Variants in MMP20 observed in about 807,000 individuals in gnomAD.
The protein encoded by MMP20 is matrix metallopeptidase 20.
In MMP20, 50 loss-of-function variants were observed where a neutral mutation model predicts 51.8. That is an observed-to-expected ratio of 0.97 (90% CI 0.77 to 1.22). MMP20 has a LOEUF of 1.22. Ranked by LOEUF, MMP20 falls within the 50% of genes most tolerant of loss-of-function variation. The probability of loss-of-function intolerance (pLI) is 0.00; values close to 1 mark genes in which losing one functional copy is unlikely to be tolerated. For synonymous variants in MMP20, 244 were observed against 216.2 expected, an observed-to-expected ratio of 1.13 and a Z score of -1.13; for missense variants, 663 against 601.4, an observed-to-expected ratio of 1.10 and a Z score of -1.07.
intron 8 of MMP20, among the ~76,000 whole-genome samples, chr11:102,581,474 G>A (rs1859195445): frequency 6.6e-6 from 1 of 152,208 alleles, no homozygotes; most frequent in African/African-American, 2.4e-5. Flanking sequence ...TTAAGATGAA[G>A]TAGGTCTGCT....
chr11:102,613,469 G>C (rs1178797291), intron 2 of MMP20, among the ~76,000 whole-genome samples: 1 of 152,184 alleles, frequency 6.6e-6, no homozygotes, highest in Non-Finnish European at 1.5e-5. Flanking sequence ...ATTAAAGCTA[G>C]CTGTTTTAGG....
chr11:102,576,894 C>A lies in MMP20; in HGVS notation c.*432G>T, dbSNP rs374164504. 1 of 171,004 alleles carries A rather than the reference C, an allele frequency of 5.8e-6. No individual in the cohort carries two copies. The highest frequency in any genetic ancestry group is 1.6e-4 in the East Asian group (1 of 6,220). 10.6% of individuals were successfully genotyped at this position (171,004 alleles called of 1,614,324 possible). A position where few individuals can be genotyped will look rare whatever the true frequency, so the allele number is the denominator to read the frequency against. Reference sequence around the variant, plus strand: ...TTATATTTATTATAACAAATGATGGCCAAATGATGGCCACAAAAGCCATTG... The same window carrying A: ...TTATATTTATTATAACAAATGATGGACAAATGATGGCCACAAAAGCCATTG... On this transcript the variant is annotated 3_prime_UTR_variant, in exon 10 of 10. Coordinates refer to ENST00000260228, the MANE Select transcript of MMP20 (RefSeq NM_004771.4).
chr11:102,597,548 G>A (rs556613565), intron 6 of MMP20, among the ~76,000 whole-genome samples: 2 of 152,270 alleles, frequency 1.3e-5, no homozygotes, highest in South Asian at 2.1e-4. Context: ...GATGAGCAGT[G>A]CTATTGGAGT....
chr11:102,597,869 G>A (rs1859401204), intron 6 of MMP20, among the ~76,000 whole-genome samples: 1 of 152,210 alleles, frequency 6.6e-6, no homozygotes, highest in Admixed American at 6.5e-5. Flanking sequence ...CTGGGTTCAA[G>A]CAATTCTCCT....
chr11:102,590,818 C>T (rs1859308464), intron 8 of MMP20, among the ~76,000 whole-genome samples: 1 of 152,100 alleles, frequency 6.6e-6, no homozygotes, highest in South Asian at 2.1e-4. Flanking sequence ...CTTCTCAGTT[C>T]CATCCTTCTA....
At chr11:102,594,339 T>C (rs1859353831) in intron 7 of MMP20, among the ~76,000 whole-genome samples, 1 of 152,234 alleles carries the variant, frequency 6.6e-6, no homozygotes, top group African/African-American at 2.4e-5. Context: ...GCAGAGGTCC[T>C]GTGTGGCAGG....
intron 1 of MMP20, among the ~76,000 whole-genome samples, chr11:102,619,670 C>G (rs1248468640): frequency 6.6e-6 from 1 of 151,992 alleles, no homozygotes; most frequent in South Asian, 2.1e-4. Flanking sequence ...TAATCCTGGC[C>G]CTGAATCATA....
At chr11:102,610,685 GA>G (rs1433326663) in intron 3 of MMP20, among the ~76,000 whole-genome samples, 2 of 151,690 alleles carry the variant, frequency 1.3e-5, no homozygotes, top group Non-Finnish European at 2.9e-5. Flanking sequence ...AATAGAAGAG[GA>G]GGAGGAAGAA....
In MMP20 at chr11:102,616,669, G is replaced by A. The variant is rs962196845; in HGVS notation, c.374+143C>T. ...AATTGCCCATTGTCATTGCCTGACG[G>A]ATGGATGTAAAAAGTTCTTATTCTT... is the stretch of plus-strand genomic sequence containing the variant. On this transcript the variant is annotated intron_variant, in intron 2 of 9. Coordinates refer to ENST00000260228, the MANE Select transcript of MMP20 (RefSeq NM_004771.4). The A allele has an allele frequency of 1.7e-5, 18 of 1,068,376 alleles. No homozygotes were observed. In the African/African-American group the frequency reaches 2.6e-4, roughly 15 times the overall value. The allele number at this position is 1,068,376 out of a possible 1,614,324, so 66.2% of individuals were successfully genotyped here.
intron 5 of MMP20, among the ~76,000 whole-genome samples, chr11:102,608,671 A>C (rs1176003063): frequency 1.4e-5 from 2 of 138,990 alleles, no homozygotes; most frequent in Non-Finnish European, 3.2e-5. Flanking sequence ...TCTAACCTGC[A>C]CTCAAAGGAA....
At chr11:102,617,086 T>C (rs780048990) in intron 1 of MMP20, 27 bp from the exon 2 acceptor site, 1 of 1,614,066 alleles carries the variant, frequency 6.2e-7, no homozygotes, top group South Asian at 1.1e-5. Flanking sequence ...GGCTGACGCG[T>C]CTACAGCGTA....
intron 8 of MMP20, among the ~76,000 whole-genome samples, chr11:102,585,968 T>C (rs1591609376): frequency 6.6e-6 from 1 of 152,238 alleles, no homozygotes. Context: ...TCTTGGTGTA[T>C]AATTCTTTTC....
intron 2 of MMP20, among the ~76,000 whole-genome samples, chr11:102,612,125 A>C (rs1302678533): frequency 1.3e-5 from 2 of 152,220 alleles, no homozygotes; most frequent in African/African-American, 4.8e-5. Flanking sequence ...TCCGGTACTG[A>C]AACCATTTAG....
intron 6 of MMP20, among the ~76,000 whole-genome samples, chr11:102,598,853 C>T (rs966011581): frequency 4.6e-5 from 7 of 152,290 alleles, no homozygotes; most frequent in Middle Eastern, 3.4e-3. Context: ...CTTTCATTTT[C>T]AGGAGATGCC....
At chr11:102,617,995 C>G (rs867652465) in intron 1 of MMP20, among the ~76,000 whole-genome samples, 1 of 152,168 alleles carries the variant, frequency 6.6e-6, no homozygotes, top group Non-Finnish European at 1.5e-5. Flanking sequence ...CACAGATGCT[C>G]AAGTCTCTGA....
In MMP20 at chr11:102,606,614, T is replaced by C; in HGVS notation, c.874A>G (p.Ile292Val). The change falls in exon 6 of 10, where the codon ATC becomes GTC. Residue 292 changes from isoleucine to valine, a missense_variant. Ile to Val is a conservative substitution (Grantham distance 29). Coordinates refer to ENST00000260228, the MANE Select transcript of MMP20 (RefSeq NM_004771.4). Reference protein sequence around the residue: ...LPHAPHHKPSIPDLCDSSSSF... With the variant: ...LPHAPHHKPSVPDLCDSSSSF... ...GAGCTGGAGTCACAGAGGTCAGGGATGGATGGCTTGTGATGGGGGGCATGG... is the reference window on the plus strand; with the variant it reads ...GAGCTGGAGTCACAGAGGTCAGGGACGGATGGCTTGTGATGGGGGGCATGG... 6.2e-7 allele frequency: 1 copy of C among 1,613,976 alleles called. No individual in the cohort carries two copies.
At chr11:102,618,402 C>A (rs370384428) in intron 1 of MMP20, among the ~76,000 whole-genome samples, 1 of 151,466 alleles carries the variant, frequency 6.6e-6, no homozygotes, top group Admixed American at 6.6e-5. Context: ...AAATTGTTTA[C>A]TTACATATTA....
At chr11:102,614,189 A>C (rs572135054) in intron 2 of MMP20, among the ~76,000 whole-genome samples, 1 of 152,336 alleles carries the variant, frequency 6.6e-6, no homozygotes, top group East Asian at 1.9e-4. Context: ...GTTTGAGCCC[A>C]GTTCTGTCTG....
chr11:102,621,580 C>T (rs754481756), intron 1 of MMP20, among the ~76,000 whole-genome samples: 20 of 152,150 alleles, frequency 1.3e-4, no homozygotes, highest in Non-Finnish European at 2.2e-4. Context: ...TGCCCTTTTA[C>T]TCATTAAGTC....
Sources: allele counts gnomAD v4.1 joint callset (sites outside exome capture counted in the v4.1 genomes callset), GRCh38; gene constraint gnomAD v4.1.1; transcripts MANE v1.5; gene names NCBI Gene and HGNC (gene_info 2026-07-23, HGNC 2026-07-21).